Variants in MAGI3 observed in about 807,000 individuals in gnomAD.
MAGI3 encodes the protein membrane associated guanylate kinase, WW and PDZ domain containing 3, also known as membrane-associated guanylate kinase, WW and PDZ domain-containing protein 3.
MAGI3 carries 43 observed loss-of-function variants against 121.8 expected under a neutral mutation model. That is an observed-to-expected ratio of 0.35 (90% CI 0.28 to 0.46). MAGI3 has a LOEUF of 0.46. Among genes scored for constraint, MAGI3 ranks in the 20% least tolerant of loss-of-function variants. The pLI is 1.00. For missense variants in MAGI3, 1,547 were observed against 1,797.3 expected (o/e 0.86, Z 2.52); for synonymous variants, 553 against 639.3 (o/e 0.86, Z 2.04).
At chr1:113,455,480 G>A (rs373072848) in intron 1 of MAGI3, among the ~76,000 whole-genome samples, 16 of 151,968 alleles carry the variant, frequency 1.1e-4, no homozygotes, top group African/African-American at 3.6e-4. Flanking sequence ...AGTCCTCCCT[G>A]ATCTGACCTG....
At chr1:113,552,264 A>G (rs1659818780) in intron 2 of MAGI3, among the ~76,000 whole-genome samples, 2 of 152,198 alleles carry the variant, frequency 1.3e-5, no homozygotes, top group African/African-American at 4.8e-5. Context: ...TTTCCCAGCA[A>G]AGGCTCACAG....
intron 2 of MAGI3, among the ~76,000 whole-genome samples, chr1:113,561,284 A>T (rs530657581): frequency 2.0e-5 from 3 of 152,348 alleles, no homozygotes; most frequent in Admixed American, 2.0e-4. Context: ...CATCATCCTG[A>T]TACCAAAACC....
intron 1 of MAGI3, among the ~76,000 whole-genome samples, chr1:113,416,334 C>G (rs60453499): frequency 6.2e-5 from 3 of 48,588 alleles, no homozygotes; most frequent in East Asian, 3.4e-4. Flanking sequence ...AATTATATAT[C>G]AATCATATAT....
intron 12 of MAGI3, among the ~76,000 whole-genome samples, chr1:113,647,606 T>A (rs1486778012): frequency 6.6e-6 from 1 of 152,186 alleles, no homozygotes; most frequent in African/African-American, 2.4e-5. Context: ...TAGGTATAAT[T>A]TTTTAAAATT....
At chr1:113,542,833 C>T (rs1002852467) in intron 1 of MAGI3, among the ~76,000 whole-genome samples, 4 of 152,082 alleles carry the variant, frequency 2.6e-5, no homozygotes, top group African/African-American at 2.4e-5. Context: ...TCTAGGACAG[C>T]GCTTACAATG....
intron 1 of MAGI3, among the ~76,000 whole-genome samples, chr1:113,424,380 C>T (rs1330504559): frequency 6.6e-6 from 1 of 152,120 alleles, no homozygotes; most frequent in East Asian, 1.9e-4. Flanking sequence ...CCTCTTATTA[C>T]TGCTCTTTTA....
At chr1:113,624,477 C>T (rs55912359) in intron 9 of MAGI3, among the ~76,000 whole-genome samples, 52,513 of 152,016 alleles carry the variant, frequency 0.35, 10,129 homozygotes, top group South Asian at 0.5. Context: ...AGCACTTATT[C>T]ATATTGCTGT....
chr1:113,671,749 C>A lies in MAGI3; in HGVS notation c.2831C>A (p.Pro944Gln). Residue 944 changes from proline (P) to glutamine (Q), a missense_variant, in exon 17 of 21, where the codon CCA (proline) becomes CAA (glutamine). Pro to Gln is a moderately conservative substitution (Grantham distance 76, BLOSUM62 -1). Coordinates refer to ENST00000307546, the MANE Select transcript of MAGI3 (RefSeq NM_001142782.2). ...ATTTGAACAGAGCATCATGGTCCACCATCAGGAACAAACTCAGCCAGGCAA... is the reference window on the plus strand; with the variant it reads ...ATTTGAACAGAGCATCATGGTCCACAATCAGGAACAAACTCAGCCAGGCAA... ...VIAEEEHHGPPSGTNSARQSP... is the reference protein window; with the variant it reads ...VIAEEEHHGPQSGTNSARQSP... 1 of 1,614,174 alleles carries A rather than the reference C, an allele frequency of 6.2e-7. No individual in the cohort carries two copies. Among genetic ancestry groups the A allele is most frequent in the Non-Finnish European group, 8.5e-7 (1 of 1,180,012 alleles).
Position 113,649,305 on chromosome 1 carries a change from G to A in MAGI3, c.2224G>A (p.Gly742Arg), listed in dbSNP as rs369579363. Residue 742 changes from glycine (G) to arginine (R), a missense_variant, in exon 13 of 21, where the codon GGA becomes AGA. Coordinates refer to ENST00000307546, the MANE Select transcript of MAGI3 (RefSeq NM_001142782.2). The part of the protein sequence containing the change: ...QESGFGFRVL[G>R]GDGPDQSIYI... The stretch of plus-strand genomic sequence containing the variant: ...GTCAGGGTTTGGCTTCAGGGTGCTA[G>A]GAGGAGATGGACCTGACCAGTCTGT... 6.2e-7 allele frequency: 1 copy of A among 1,612,806 alleles called. No individual in the cohort carries two copies. Among genetic ancestry groups the A allele is most frequent in the African/African-American group, 1.3e-5 (1 of 74,842 alleles).
At chr1:113,648,519 C>T (rs1349829413) in intron 12 of MAGI3, among the ~76,000 whole-genome samples, 2 of 151,660 alleles carry the variant, frequency 1.3e-5, no homozygotes, top group African/African-American at 4.8e-5. Context: ...TCAAGCAATC[C>T]TCCTGCTTAA....
intron 1 of MAGI3, among the ~76,000 whole-genome samples, chr1:113,481,419 A>G (rs1310365123): frequency 6.6e-6 from 1 of 152,216 alleles, no homozygotes; most frequent in Non-Finnish European, 1.5e-5. Flanking sequence ...GATGAATTTC[A>G]CCAGAGTTAC....
At chr1:113,603,583 A>G (rs1023315609) in intron 6 of MAGI3, among the ~76,000 whole-genome samples, 6 of 152,160 alleles carry the variant, frequency 3.9e-5, no homozygotes, top group African/African-American at 1.4e-4. Context: ...ATCCCTGATG[A>G]AAATAGAAAG....
intron 2 of MAGI3, among the ~76,000 whole-genome samples, chr1:113,566,830 AAG>A (rs1319703211): frequency 6.6e-6 from 1 of 152,064 alleles, no homozygotes; most frequent in Non-Finnish European, 1.5e-5. Context: ...AACAGATTAA[AAG>A]AGAAGAAAAA....
intron 1 of MAGI3, among the ~76,000 whole-genome samples, chr1:113,532,813 A>G (rs1658788285): frequency 6.6e-6 from 1 of 152,214 alleles, no homozygotes; most frequent in Non-Finnish European, 1.5e-5. Flanking sequence ...CATCATGTCA[A>G]AAACAAGGTA....
intron 1 of MAGI3, among the ~76,000 whole-genome samples, chr1:113,519,756 T>A (rs1485996000): frequency 1.3e-5 from 2 of 152,144 alleles, no homozygotes; most frequent in Non-Finnish European, 2.9e-5. Flanking sequence ...TGGCCAGGAT[T>A]TTTATGGAGG....
rs138323024 is a variant in MAGI3 at position 113,553,171 on chromosome 1, C to A, written c.433+3540C>A. 1.1e-3 allele frequency among the ~76,000 whole-genome samples: 172 copies of A among 152,252 alleles called. 1 individual carries two copies. The East Asian group carries it at 0.028, about 25-fold the overall frequency. On this transcript the variant is annotated intron_variant, in intron 2 of 20. Coordinates refer to ENST00000307546, the MANE Select transcript of MAGI3 (RefSeq NM_001142782.2). ...AGAGAAGAAGAAAGGAGACCACACA[C>A]AGAGGAATCCTATAATTTCCTCAAC... is the stretch of plus-strand genomic sequence containing the variant.
intron 1 of MAGI3, chr1:113,403,762 TC>T (rs1651531206): frequency 6.6e-6 from 1 of 152,192 alleles, no homozygotes; most frequent in Non-Finnish European, 1.5e-5. Flanking sequence ...GCCTTCCATA[TC>T]TTGTGTCCTG....
chr1:113,595,955 C>T (rs762640812), intron 6 of MAGI3, among the ~76,000 whole-genome samples: 14 of 152,168 alleles, frequency 9.2e-5, no homozygotes, highest in Non-Finnish European at 1.8e-4. Context: ...CGCTTGAGTC[C>T]AGGAGGTTGA....
At chr1:113,516,594 C>T (rs565555187) in intron 1 of MAGI3, among the ~76,000 whole-genome samples, 1 of 151,966 alleles carries the variant, frequency 6.6e-6, no homozygotes, top group East Asian at 1.9e-4. Context: ...TAAATGATCT[C>T]ATAAATTAAT....
Sources: gnomAD v4.1 joint callset for allele counts (sites outside exome capture counted in the v4.1 genomes callset) on GRCh38, gnomAD v4.1.1 for gene constraint, MANE v1.5 for transcripts, NCBI Gene and HGNC (gene_info 2026-07-23, HGNC 2026-07-21) for gene names.